CD36: variants seen among roughly 807,000 people sequenced by gnomAD.
The protein encoded by CD36 is platelet glycoprotein 4.
In CD36, 119 loss-of-function variants were observed where a neutral mutation model predicts 55.2. The ratio of observed to expected loss-of-function variants is 2.15; its 90% CI spans 1.86 to 2.51. The LOEUF (loss-of-function observed/expected upper bound fraction) is 2.51, where lower values mean the gene tolerates loss of function less well. Among genes scored for constraint, CD36 ranks in the 30% most tolerant of loss-of-function variants. The pLI is 0.00. For synonymous variants in CD36, 186 were observed against 193.6 expected (o/e 0.96, Z 0.33); for missense variants, 819 against 555.5 (o/e 1.47, Z -4.77).
rs1356459025 is a variant in CD36, at chr7:80,671,784, C to T, written c.1007-138C>T. On this transcript the variant is annotated intron_variant, in intron 10 of 14. Coordinates refer to ENST00000447544, the MANE Select transcript of CD36 (RefSeq NM_001001548.3). ...GGAGTTTATAGTAGAAATCAACTGA[C>T]ATAATTCTTCCCCACCCATGTTAAA... 4 of 716,268 alleles carry T rather than the reference C, an allele frequency of 5.6e-6. No homozygotes were observed. The East Asian group carries it at 8.2e-5, about 15-fold the overall frequency. The allele number at this position is 716,268 out of a possible 1,614,324, so 44.4% of individuals were successfully genotyped here.
intron 10 of CD36, 28 bp downstream of exon 10, chr7:80,671,192 C>G: frequency 1.4e-6 from 2 of 1,441,682 alleles, no homozygotes; most frequent in South Asian, 2.3e-5. Context: ...GTAGCACAGT[C>G]CATACCATAA....
At chr7:80,620,389 A>G (rs1028142359) in intron 1 of CD36, among the ~76,000 whole-genome samples, 1 of 152,148 alleles carries the variant, frequency 6.6e-6, no homozygotes, top group Non-Finnish European at 1.5e-5. Flanking sequence ...GGTTTGATTA[A>G]TTTGCTTGAA....
intron 12 of CD36, 118 bp from the exon 13 acceptor site, chr7:80,673,237 C>A: frequency 3.5e-6 from 2 of 576,374 alleles, no homozygotes; most frequent in Non-Finnish European, 6.2e-6. Flanking sequence ...TTAAATGAGT[C>A]ATTACAGGAA....
chr7:80,672,135 TAATC>T, intron 11 of CD36, 95 bp downstream of exon 11: 1 of 1,026,714 alleles, frequency 9.7e-7, no homozygotes, highest in Non-Finnish European at 1.5e-6. Context: ...ATTCAATAAA[TAATC>T]ATATTTATTG....
intron 1 of CD36, among the ~76,000 whole-genome samples, chr7:80,604,065 G>A (rs1792394864): frequency 6.6e-6 from 1 of 152,040 alleles, no homozygotes. Flanking sequence ...AAATTGTGAA[G>A]TGTGTGCAAC....
At chr7:80,667,712 C>CAA (rs1185019470) in intron 8 of CD36, among the ~76,000 whole-genome samples, 2 of 146,330 alleles carry the variant, frequency 1.4e-5, no homozygotes, top group African/African-American at 5.1e-5. Context: ...AAAAAAACAG[C>CAA]AAAAACACTG....
chr7:80,648,372 G>A lies in CD36; in HGVS notation c.120+1512G>A, dbSNP rs143391979. On this transcript the variant is annotated intron_variant, in intron 3 of 14. Coordinates refer to ENST00000447544, the MANE Select transcript of CD36 (RefSeq NM_001001548.3). ...AATCACAATAATCTTCCAATGCACA[G>A]CGATTTAGACTACTTTTTTTTGCTG... Among the ~76,000 whole-genome samples the A allele has an allele frequency of 4.9e-3, 741 of 152,190 alleles. 12 individuals are homozygous for A. The highest frequency in any genetic ancestry group is 0.044 in the Admixed American group (668 of 15,278).
intron 1 of CD36, among the ~76,000 whole-genome samples, chr7:80,631,271 A>G (rs1201647720): frequency 1.3e-5 from 2 of 152,056 alleles, no homozygotes; most frequent in African/African-American, 4.8e-5. Context: ...TTGCTGGAGA[A>G]CAATGAGGAT....
intron 8 of CD36, among the ~76,000 whole-genome samples, chr7:80,667,983 G>A (rs1436162877): frequency 1.3e-5 from 2 of 152,096 alleles, no homozygotes; most frequent in East Asian, 3.9e-4. Context: ...TCTTGACCTT[G>A]TGATCCGCCC....
intron 1 of CD36, among the ~76,000 whole-genome samples, chr7:80,622,322 G>C (rs1793514620): frequency 6.6e-6 from 1 of 152,268 alleles, no homozygotes; most frequent in South Asian, 2.1e-4. Context: ...GAGAGGCCCA[G>C]GTGGGGCATG....
rs1397839575 is a variant in CD36, at chr7:80,673,980, C to T, written c.1255-3C>T. 1.2e-6 allele frequency: 2 copies of T among 1,609,710 alleles called. No homozygotes were observed. The highest frequency in any genetic ancestry group is 8.5e-7 in the Non-Finnish European group (1 of 1,176,774). ...ATAATGTTGATTATTAACTTGATTA[C>T]AGACTGGGACCATTGGTGATGAGAA... On this transcript the variant is annotated splice_region_variant and splice_polypyrimidine_tract_variant and intron_variant, in intron 13 of 14. Transcript: ENST00000447544.
Position 80,618,606 on chromosome 7 carries a change from G to T in CD36, c.-184+16227G>T, listed in dbSNP as rs145353886. ...ACACAAAGGATAAGAAAGTCAAACT[G>T]CCTTATTGCTGATATAGAGAAAGTT... On this transcript the variant is annotated intron_variant, in intron 1 of 13. Transcript: ENST00000309881. Among the ~76,000 whole-genome samples, 414 of 152,280 alleles carry T rather than the reference G, an allele frequency of 2.7e-3. 3 individuals are homozygous for T. Among genetic ancestry groups the T allele is most frequent in the African/African-American group, 9.2e-3 (382 of 41,560 alleles).
At chr7:80,647,942 A>T (rs1795296998) in intron 3 of CD36, among the ~76,000 whole-genome samples, 1 of 152,098 alleles carries the variant, frequency 6.6e-6, no homozygotes, top group African/African-American at 2.4e-5. Context: ...TTAAATTTTT[A>T]TTGCTATATT....
chr7:80,658,788 G>A (rs1796292423), intron 4 of CD36, among the ~76,000 whole-genome samples: 1 of 152,110 alleles, frequency 6.6e-6, no homozygotes, highest in Admixed American at 6.6e-5. Flanking sequence ...GACCCACCAT[G>A]CCCGACCATA....
chr7:80,605,815 A>G (rs1792516960), intron 1 of CD36, among the ~76,000 whole-genome samples: 1 of 152,106 alleles, frequency 6.6e-6, no homozygotes, highest in Non-Finnish European at 1.5e-5. Flanking sequence ...TCCTTTTAAG[A>G]GCTGTTTGGG....
Position 80,678,939 on chromosome 7 carries a change from G to A in CD36, c.*2556G>A, listed in dbSNP as rs1038072926. ...TCTAGTTGGAGTTTGTTTTAGGTGT[G>A]TACCAACTGACATTTCAGTTTTTCT... On this transcript the variant is annotated 3_prime_UTR_variant, in exon 15 of 15. Coordinates refer to ENST00000447544, the MANE Select transcript of CD36 (RefSeq NM_001001548.3). 6.6e-6 allele frequency: 1 copy of A among 151,940 alleles called. No individual in the cohort carries two copies. Among genetic ancestry groups the A allele is most frequent in the African/African-American group, 2.4e-5 (1 of 41,394 alleles). The allele number at this position is 151,940 out of a possible 1,614,324, so 9.4% of individuals were successfully genotyped here. A position where few individuals can be genotyped will look rare whatever the true frequency, so the allele number is the denominator to read the frequency against.
intron 13 of CD36, chr7:80,673,687 G>A: frequency 1.8e-6 from 1 of 556,536 alleles, no homozygotes; most frequent in Non-Finnish European, 3.2e-6. Flanking sequence ...ATAAATCCAT[G>A]CATTGATAGC....
chr7:80,605,028 G>T (rs1260059698), intron 1 of CD36, among the ~76,000 whole-genome samples: 1 of 152,080 alleles, frequency 6.6e-6, no homozygotes, highest in East Asian at 1.9e-4. Flanking sequence ...GTCAGTTTTA[G>T]AAGTGAAGTA....
At position 80,662,976 on chromosome 7, in the gene CD36, C is replaced by CT; in HGVS notation, c.430-11dup. ...ATTGTATTCTTGTCTTAAACAGTGA[C>CT]TTTGTTTTTGTAGGCTGCATCCCAT... On this transcript the variant is annotated splice_polypyrimidine_tract_variant and intron_variant, in intron 5 of 14. Transcript: ENST00000447544. 6.3e-7 allele frequency: 1 copy of CT among 1,599,510 alleles called. No homozygotes were observed. The highest frequency in any genetic ancestry group is 8.6e-7 in the Non-Finnish European group (1 of 1,167,502).
Sources: allele counts gnomAD v4.1 joint callset (sites outside exome capture counted in the v4.1 genomes callset), GRCh38; gene constraint gnomAD v4.1.1; transcripts MANE v1.5; gene names NCBI Gene and HGNC (gene_info 2026-07-23, HGNC 2026-07-21).